The following PCTP variants were observed in gnomAD, a reference collection of about 807,000 sequenced individuals.
The protein encoded by PCTP is phosphatidylcholine transfer protein.
In PCTP, 27 loss-of-function variants were observed where a neutral mutation model predicts 31.0. The ratio of observed to expected loss-of-function variants is 0.87; its 90% CI spans 0.64 to 1.20. The LOEUF is 1.20. Ranked by LOEUF, PCTP falls within the 50% of genes most tolerant of loss-of-function variation. The pLI is 0.00. For synonymous variants in PCTP, 108 were observed against 101.2 expected, an observed-to-expected ratio of 1.07 and a Z score of -0.40; for missense variants, 287 against 268.2, an observed-to-expected ratio of 1.07 and a Z score of -0.49.
At chr17:55,808,523 C>T (rs915813375) in intron 3 of PCTP, among the ~76,000 whole-genome samples, 2 of 152,202 alleles carry the variant, frequency 1.3e-5, no homozygotes, top group Admixed American at 1.3e-4. Context: ...CACCTTTCCA[C>T]ACTGGCCACT....
downstream of PCTP, among the ~76,000 whole-genome samples, chr17:55,843,184 AT>A (rs1378379310): frequency 6.6e-6 from 1 of 151,810 alleles, no homozygotes; most frequent in African/African-American, 2.4e-5. Flanking sequence ...TATTGATAAT[AT>A]TTTATATTAT....
intron 1 of PCTP, 102 bp downstream of exon 1, chr17:55,751,346 G>A (rs1909697201): frequency 1.3e-6 from 2 of 1,524,876 alleles, no homozygotes; most frequent in Non-Finnish European, 8.8e-7. Flanking sequence ...ACAGGGGCGC[G>A]TCTTCTCCGG....
chr17:55,790,420 A>C (rs540572738), intron 3 of PCTP, among the ~76,000 whole-genome samples: 9 of 152,022 alleles, frequency 5.9e-5, no homozygotes, highest in South Asian at 2.1e-4. Context: ...GTCTCAGCCC[A>C]AAATCTCCTT....
In PCTP at chr17:55,751,433, G is replaced by T. The variant is rs925168092; in HGVS notation, c.141+189G>T. 6.5e-6 allele frequency: 10 copies of T among 1,533,924 alleles called. No homozygotes were observed. In the Admixed American group the frequency reaches 7.9e-5, roughly 12 times the overall value. ...GGGGCGGTGCCTCCAAGTGACTGCCGTGCAGATCCAGGGGAGTTGGAAGGT... is the reference window on the plus strand; with the variant it reads ...GGGGCGGTGCCTCCAAGTGACTGCCTTGCAGATCCAGGGGAGTTGGAAGGT... On this transcript the variant is annotated intron_variant, in intron 1 of 5. Coordinates refer to ENST00000268896, the MANE Select transcript of PCTP (RefSeq NM_021213.4).
intron 3 of PCTP, among the ~76,000 whole-genome samples, chr17:55,815,365 G>A (rs544588083): frequency 6.6e-6 from 1 of 152,100 alleles, no homozygotes; most frequent in Admixed American, 6.5e-5. Flanking sequence ...AGCCCACTCC[G>A]CTAAAAGATA....
At chr17:55,766,897 A>G (rs914810527) in intron 1 of PCTP, among the ~76,000 whole-genome samples, 1 of 152,080 alleles carries the variant, frequency 6.6e-6, no homozygotes, top group Non-Finnish European at 1.5e-5. Context: ...AAGTATTCTT[A>G]TTTCTCCACA....
intron 2 of PCTP, among the ~76,000 whole-genome samples, chr17:55,784,125 A>G (rs1911665970): frequency 1.3e-5 from 2 of 152,116 alleles, no homozygotes; most frequent in Admixed American, 1.3e-4. Context: ...GTCTGACATC[A>G]TTGGGCGAGG....
chr17:55,822,358 T>A (rs555707690), intron 3 of PCTP, among the ~76,000 whole-genome samples: 1 of 152,268 alleles, frequency 6.6e-6, no homozygotes, highest in African/African-American at 2.4e-5. Context: ...TTTGACTGAG[T>A]TTGGCAGAAT....
chr17:55,822,413 G>A (rs980246514), intron 3 of PCTP, among the ~76,000 whole-genome samples: 1 of 152,124 alleles, frequency 6.6e-6, no homozygotes, highest in Non-Finnish European at 1.5e-5. Context: ...AAAGATGACC[G>A]AAGAGCCTAC....
At position 55,776,580 on chromosome 17, in the gene PCTP, G is replaced by A. The variant is rs774154879; in HGVS notation, c.*480G>A. The A allele has an allele frequency of 5.3e-5, 65 of 1,231,572 alleles. No homozygotes were observed. Among genetic ancestry groups the A allele is most frequent in the Middle Eastern group, 3.1e-4 (1 of 3,206 alleles). The allele number at this position is 1,231,572 out of a possible 1,614,324, so 76.3% of individuals were successfully genotyped here. On this transcript the variant is annotated 3_prime_UTR_variant, in exon 6 of 6. Transcript: ENST00000268896. ...GAGGGGCTGCTGGAAGTGGCATTTCGTTCAGAGCTGACTTTCAGTGCACCC... is the reference window on the plus strand; with the variant it reads ...GAGGGGCTGCTGGAAGTGGCATTTCATTCAGAGCTGACTTTCAGTGCACCC...
chr17:55,844,032 A>G (rs1214019338), downstream of PCTP, among the ~76,000 whole-genome samples: 1 of 152,228 alleles, frequency 6.6e-6, no homozygotes, highest in Non-Finnish European at 1.5e-5. Flanking sequence ...AACCCACAGG[A>G]GACAGATTTG....
At chr17:55,766,262 T>C (rs542342584) in intron 1 of PCTP, among the ~76,000 whole-genome samples, 125 of 149,952 alleles carry the variant, frequency 8.3e-4, no homozygotes, top group East Asian at 1.8e-3. Context: ...GCTTTTCTTT[T>C]TTTTTTTTTT....
downstream of PCTP, chr17:55,777,391 C>G (rs1385791303): frequency 2.0e-6 from 2 of 982,136 alleles, no homozygotes; most frequent in Non-Finnish European, 2.4e-6. Flanking sequence ...CTGTGTACCA[C>G]TTCCTTCCTA....
At chr17:55,803,646 T>G (rs1912465505) in intron 3 of PCTP, among the ~76,000 whole-genome samples, 1 of 152,164 alleles carries the variant, frequency 6.6e-6, no homozygotes, top group East Asian at 1.9e-4. Flanking sequence ...CTGGGAAAAC[T>G]GGCTAGCCAT....
rs764750613 is a variant in PCTP at position 55,776,120 on chromosome 17, T to G, written c.*20T>G. The G allele has an allele frequency of 1.2e-6, 2 of 1,613,554 alleles. No homozygotes were observed. The highest frequency in any genetic ancestry group is 8.5e-7 in the Non-Finnish European group (1 of 1,179,822). On this transcript the variant is annotated 3_prime_UTR_variant, in exon 6 of 6. Transcript: ENST00000268896. ...ACCTAAGAAAGAGAACTGGGAACATTGCATCCATGGGTTGATGTCTCTGGA... is the reference window on the plus strand; with the variant it reads ...ACCTAAGAAAGAGAACTGGGAACATGGCATCCATGGGTTGATGTCTCTGGA...
intron 5 of PCTP, among the ~76,000 whole-genome samples, chr17:55,829,592 G>C (rs912766743): frequency 6.6e-6 from 1 of 152,080 alleles, no homozygotes; most frequent in Admixed American, 6.6e-5. Context: ...TTATAAGCTT[G>C]AGCCACTATT....
At chr17:55,850,094 C>A in the PCTP span, among the ~76,000 whole-genome samples, 1 of 151,882 alleles carries the variant, frequency 6.6e-6, no homozygotes, top group African/African-American at 2.4e-5. Flanking sequence ...ATTTTTATAC[C>A]AATTTGGTCA....
intron 1 of PCTP, among the ~76,000 whole-genome samples, chr17:55,757,290 G>A (rs1052089744): frequency 2.0e-5 from 3 of 150,008 alleles, no homozygotes; most frequent in African/African-American, 7.4e-5. Context: ...GTGTGTGTGT[G>A]CATATATATT....
In PCTP at chr17:55,776,160, A is replaced by C; in HGVS notation, c.*60A>C. ...ATGTCTCTGGAAGTGCAACCACCCAATGTCTCTGGAAGTGCCACCTGGAAG... is the reference window on the plus strand; with the variant it reads ...ATGTCTCTGGAAGTGCAACCACCCACTGTCTCTGGAAGTGCCACCTGGAAG... On this transcript the variant is annotated 3_prime_UTR_variant, in exon 6 of 6. Transcript: ENST00000268896. 2 of 1,600,546 alleles carry C rather than the reference A, an allele frequency of 1.2e-6. No homozygotes were observed. The highest frequency in any genetic ancestry group is 1.1e-5 in the South Asian group (1 of 88,870).
Sources: gnomAD v4.1 joint callset for allele counts (sites outside exome capture counted in the v4.1 genomes callset) on GRCh38, gnomAD v4.1.1 for gene constraint, MANE v1.5 for transcripts, NCBI Gene and HGNC (gene_info 2026-07-23, HGNC 2026-07-21) for gene names.